SLC12A1: variants seen among roughly 807,000 people sequenced by gnomAD.
SLC12A1 encodes the protein solute carrier family 12 member 1, also known as Na-K-2Cl cotransporter.
In SLC12A1, 89 loss-of-function variants were observed where a neutral mutation model predicts 130.4. The ratio of observed to expected loss-of-function variants is 0.68; its 90% CI spans 0.58 to 0.81. The LOEUF is 0.81. SLC12A1 is among the 40% of genes least tolerant of loss of function. The pLI is 0.00. For synonymous variants in SLC12A1, 499 were observed against 460.0 expected (o/e 1.08, Z -1.09); for missense variants, 1,310 against 1,336.4 (o/e 0.98, Z 0.31).
chr15:48,226,790 A>G, intron 5 of SLC12A1: 2 of 605,762 alleles, frequency 3.3e-6, no homozygotes, highest in South Asian at 2.2e-5. Context: ...ATTGTAGGTT[A>G]TGCCTTACAG....
chr15:48,224,529 G>C (rs2041258932), intron 4 of SLC12A1: 1 of 152,154 alleles, frequency 6.6e-6, no homozygotes, highest in Non-Finnish European at 1.5e-5. Context: ...TTCATTCATA[G>C]GGTGGCAAAT....
At chr15:48,281,766 G>C (rs915022244) in intron 20 of SLC12A1, among the ~76,000 whole-genome samples, 1 of 152,214 alleles carries the variant, frequency 6.6e-6, no homozygotes, top group Admixed American at 6.5e-5. Context: ...ATGTAGTCGT[G>C]ATGGTGGTGA....
Position 48,230,386 on chromosome 15 carries a change from TC to T in SLC12A1, c.865-3del. The T allele has an allele frequency of 6.3e-7, 1 of 1,585,096 alleles. No individual in the cohort carries two copies. The highest frequency in any genetic ancestry group is 8.6e-7 in the Non-Finnish European group (1 of 1,156,320). Reference sequence around the variant, plus strand: ...ATCTCTAAGCACTTAATAATTTGTTTCCCCAGGAGAGTGATTCGATGATGGT... The same window carrying T: ...ATCTCTAAGCACTTAATAATTTGTTTCCCAGGAGAGTGATTCGATGATGGT... On this transcript the variant is annotated splice_polypyrimidine_tract_variant and splice_region_variant and intron_variant, in intron 6 of 26. Transcript: ENST00000380993.
intron 24 of SLC12A1, among the ~76,000 whole-genome samples, chr15:48,295,394 A>G (rs934456593): frequency 2.6e-5 from 4 of 152,072 alleles, no homozygotes; most frequent in Non-Finnish European, 4.4e-5. Flanking sequence ...TCTAGCTGCC[A>G]TGGTCACCAC....
At chr15:48,295,454 C>G (rs2042168378) in intron 24 of SLC12A1, among the ~76,000 whole-genome samples, 1 of 152,086 alleles carries the variant, frequency 6.6e-6, no homozygotes, top group South Asian at 2.1e-4. Context: ...TGATGTACCT[C>G]TTCCATTAAC....
chr15:48,299,308 TCTAA>T, intron 25 of SLC12A1, 33 bp downstream of exon 25: 1 of 1,529,800 alleles, frequency 6.5e-7, no homozygotes, highest in Non-Finnish European at 8.7e-7. Flanking sequence ...TTTTTTGCTG[TCTAA>T]CTAGCTGAGA....
intron 19 of SLC12A1, among the ~76,000 whole-genome samples, chr15:48,270,183 C>T (rs1009454487): frequency 2.6e-5 from 4 of 152,128 alleles, no homozygotes; most frequent in African/African-American, 9.7e-5. Context: ...CTATATCTCC[C>T]TCTGCTAAGA....
intron 24 of SLC12A1, among the ~76,000 whole-genome samples, chr15:48,295,377 G>A (rs1355984004): frequency 6.6e-6 from 1 of 151,908 alleles, no homozygotes; most frequent in Non-Finnish European, 1.5e-5. Context: ...TTTCATAATA[G>A]TCTCTATCTA....
intron 2 of SLC12A1, 62 bp downstream of exon 2, chr15:48,208,201 TCTTTC>T: frequency 6.9e-7 from 1 of 1,457,434 alleles, no homozygotes; most frequent in East Asian, 2.3e-5. Flanking sequence ...AATTTCCTTC[TCTTTC>T]ATTACACTAT....
chr15:48,223,874 C>G (rs1197044379), intron 4 of SLC12A1: 1 of 152,246 alleles, frequency 6.6e-6, no homozygotes, highest in East Asian at 1.9e-4. Context: ...CAATATGGTC[C>G]AAGTTTGCAG....
intron 22 of SLC12A1, 103 bp downstream of exon 22, chr15:48,288,277 T>C (rs2042080952): frequency 2.4e-6 from 3 of 1,248,850 alleles, no homozygotes; most frequent in South Asian, 1.4e-5. Flanking sequence ...AAGAATAACA[T>C]TTCTGTGTTC....
At chr15:48,291,587 T>A (rs997564853) in intron 23 of SLC12A1, among the ~76,000 whole-genome samples, 191 bp from the exon 24 acceptor site, 1 of 152,188 alleles carries the variant, frequency 6.6e-6, no homozygotes, top group Non-Finnish European at 1.5e-5. Context: ...TTCAGTGAAA[T>A]AGCTTGGTCC....
chr15:48,288,106 C>A lies in SLC12A1; in HGVS notation c.2693C>A (p.Ala898Asp), dbSNP rs2042079026. Residue 898 changes from alanine (A) to aspartate (D), a missense_variant, in exon 22 of 27, where the codon GCC (alanine) becomes GAC (aspartate). Ala to Asp is a moderately radical substitution (Grantham distance 126). Coordinates refer to ENST00000380993, the MANE Select transcript of SLC12A1 (RefSeq NM_000338.3). ...VGEFNQKLVE[A>D]STQFKKKQEK... ...GAGTTCAACCAGAAACTGGTGGAAG[C>A]CAGCACTCAATTTAAAAAGAAACAA... The A allele has an allele frequency of 1.2e-6, 2 of 1,610,716 alleles. No homozygotes were observed. The highest frequency in any genetic ancestry group is 1.7e-6 in the Non-Finnish European group (2 of 1,178,466).
Position 48,220,652 on chromosome 15 carries a change from A to G in SLC12A1, c.439A>G (p.Ser147Gly), listed in dbSNP as rs1473840082. 1 of 1,613,482 alleles carries G rather than the reference A, an allele frequency of 6.2e-7. No homozygotes were observed. Among genetic ancestry groups the G allele is most frequent in the Non-Finnish European group, 8.5e-7 (1 of 1,179,660 alleles). The change falls in exon 3 of 27, where the codon AGT becomes GGT. Residue 147 changes from serine to glycine, a missense_variant. Transcript: ENST00000380993. ...QLAKNVAVTP[S>G]SADRVANGDG... The stretch of plus-strand genomic sequence containing the variant: ...AATGCAGAATGTGGCAGTCACCCCA[A>G]GTTCAGCTGACAGAGTTGCTAACGG...
chr15:48,293,629 A>G (rs1365003598), intron 24 of SLC12A1, among the ~76,000 whole-genome samples: 2 of 152,220 alleles, frequency 1.3e-5, no homozygotes, highest in African/African-American at 4.8e-5. Flanking sequence ...GAGCTTAATA[A>G]CTAACTGAAA....
At chr15:48,225,074 T>C (rs2041266650) in intron 4 of SLC12A1, 1 of 152,214 alleles carries the variant, frequency 6.6e-6, no homozygotes, top group Non-Finnish European at 1.5e-5. Flanking sequence ...CAAAAAGCAA[T>C]ATCATTGAGT....
At chr15:48,216,567 C>A (rs1196126246) in intron 2 of SLC12A1, among the ~76,000 whole-genome samples, 2 of 152,062 alleles carry the variant, frequency 1.3e-5, no homozygotes, top group Non-Finnish European at 2.9e-5. Context: ...CTCTTGGGAT[C>A]CCCAATTAAT....
At position 48,301,388 on chromosome 15, in the gene SLC12A1, T is replaced by C. The variant is rs752752703; in HGVS notation, c.3164+6T>C. ...GCTGCTAATCTCATTGTCCTGTAAGTATCATTGCAAGCATTGAAGAACATT... is the reference window on the plus strand; with the variant it reads ...GCTGCTAATCTCATTGTCCTGTAAGCATCATTGCAAGCATTGAAGAACATT... On this transcript the variant is annotated splice_donor_region_variant and intron_variant, in intron 26 of 26. Coordinates refer to ENST00000380993, the MANE Select transcript of SLC12A1 (RefSeq NM_000338.3). 13 of 1,565,380 alleles carry C rather than the reference T, an allele frequency of 8.3e-6. No individual in the cohort carries two copies. Among genetic ancestry groups the C allele is most frequent in the African/African-American group, 1.4e-5 (1 of 73,822 alleles).
chr15:48,224,073 C>G (rs2041251400), intron 4 of SLC12A1: 1 of 152,320 alleles, frequency 6.6e-6, no homozygotes, highest in South Asian at 2.1e-4. Flanking sequence ...AGATCACAGC[C>G]TCTCGTGGCT....
Sources: allele counts gnomAD v4.1 joint callset (sites outside exome capture counted in the v4.1 genomes callset), GRCh38; gene constraint gnomAD v4.1.1; transcripts MANE v1.5; gene names NCBI Gene and HGNC (gene_info 2026-07-23, HGNC 2026-07-21).